The following VCL variants were observed in gnomAD, a reference collection of about 807,000 sequenced individuals.
VCL encodes epididymis luminal protein 114.
VCL carries 47 observed loss-of-function variants against 125.7 expected under a neutral mutation model. The ratio of observed to expected loss-of-function variants is 0.37; its 90% CI spans 0.30 to 0.48. The LOEUF (loss-of-function observed/expected upper bound fraction) is 0.48, where lower values mean the gene tolerates loss of function less well. Among genes scored for constraint, VCL ranks in the 20% least tolerant of loss-of-function variants. VCL has a pLI of 0.99. For missense variants in VCL, 1,069 were observed against 1,455.5 expected, an observed-to-expected ratio of 0.73 and a Z score of 4.32; for synonymous variants, 458 against 514.6, an observed-to-expected ratio of 0.89 and a Z score of 1.49.
At chr10:74,063,089 TC>T in intron 2 of VCL, among the ~76,000 whole-genome samples, 1 of 152,094 alleles carries the variant, frequency 6.6e-6, no homozygotes, top group South Asian at 2.1e-4. Flanking sequence ...AGACAGGGTC[TC>T]CCTGAGTTGC....
chr10:74,062,790 G>A (rs750078728), intron 2 of VCL, among the ~76,000 whole-genome samples: 55 of 152,006 alleles, frequency 3.6e-4, no homozygotes, highest in Non-Finnish European at 6.0e-4. Flanking sequence ...TTCCTTGGCC[G>A]GGTGCAGTGG....
intron 10 of VCL, among the ~76,000 whole-genome samples, chr10:74,093,134 T>C (rs1054985120): frequency 6.6e-6 from 1 of 152,086 alleles, no homozygotes; most frequent in African/African-American, 2.4e-5. Flanking sequence ...CCGTTTCTAC[T>C]AAAAATAGAG....
chr10:74,042,109 AT>A (rs899617897), intron 1 of VCL, among the ~76,000 whole-genome samples: 2 of 152,100 alleles, frequency 1.3e-5, no homozygotes, highest in South Asian at 4.1e-4. Context: ...ATACATGTGG[AT>A]TTTTTTTGGT....
At chr10:74,112,553 T>C (rs1840243057) in intron 19 of VCL, among the ~76,000 whole-genome samples, 1 of 152,124 alleles carries the variant, frequency 6.6e-6, no homozygotes, top group Admixed American at 6.5e-5. Flanking sequence ...GAGAGGCAGC[T>C]TTATAGGGCA....
chr10:74,100,853 C>A, intron 13 of VCL, 95 bp from the exon 14 acceptor site: 1 of 1,425,674 alleles, frequency 7.0e-7, no homozygotes, highest in South Asian at 1.2e-5. Context: ...AGTCTTTGAG[C>A]AGTTGCTGCC....
At chr10:74,089,690 G>A (rs1469588325) in intron 9 of VCL, among the ~76,000 whole-genome samples, 1 of 152,176 alleles carries the variant, frequency 6.6e-6, no homozygotes, top group Non-Finnish European at 1.5e-5. Context: ...AGGGGTTAAA[G>A]TTTTCCGATA....
chr10:74,098,176 A>C (rs1253031365), intron 13 of VCL, among the ~76,000 whole-genome samples: 5 of 152,048 alleles, frequency 3.3e-5, no homozygotes, highest in South Asian at 2.1e-4. Context: ...TATATGTTCT[A>C]ATCTTGGGGC....
intron 2 of VCL, among the ~76,000 whole-genome samples, chr10:74,056,577 T>C (rs1841395094): frequency 1.3e-5 from 2 of 152,164 alleles, no homozygotes; most frequent in Non-Finnish European, 2.9e-5. Flanking sequence ...GAACAGCATG[T>C]ATTAATATTA....
chr10:74,007,808 T>A (rs1206278591), intron 1 of VCL, among the ~76,000 whole-genome samples: 1 of 151,668 alleles, frequency 6.6e-6, no homozygotes, highest in Admixed American at 6.6e-5. Flanking sequence ...AATTTTTTTT[T>A]CCTTTTTTTT....
At chr10:74,005,502 C>G (rs1001184001) in intron 1 of VCL, among the ~76,000 whole-genome samples, 1 of 152,126 alleles carries the variant, frequency 6.6e-6, no homozygotes, top group Non-Finnish European at 1.5e-5. Context: ...GTGATCCACC[C>G]GCCTTGGCCT....
At chr10:74,018,289 C>A (rs1591653652) in intron 1 of VCL, among the ~76,000 whole-genome samples, 3 of 149,924 alleles carry the variant, frequency 2.0e-5, no homozygotes, top group Non-Finnish European at 4.4e-5. Context: ...AACTCCTGGG[C>A]TCATGTGATC....
intron 1 of VCL, among the ~76,000 whole-genome samples, chr10:74,028,872 C>A (rs551021018): frequency 2.0e-5 from 3 of 152,260 alleles, no homozygotes; most frequent in African/African-American, 7.2e-5. Flanking sequence ...TGTATGTTTG[C>A]AACTAAAATG....
chr10:74,083,248 T>C (rs1839708215), intron 7 of VCL, 118 bp from the exon 8 acceptor site: 17 of 1,366,864 alleles, frequency 1.2e-5, no homozygotes, highest in Non-Finnish European at 1.6e-5. Flanking sequence ...TGTTGCCTTC[T>C]ATTCACTCGT....
intron 2 of VCL, among the ~76,000 whole-genome samples, chr10:74,064,195 A>T (rs1200120573): frequency 6.6e-6 from 1 of 152,200 alleles, no homozygotes; most frequent in East Asian, 1.9e-4. Flanking sequence ...ATTATAAAGG[A>T]TACAACCCAG....
intron 1 of VCL, among the ~76,000 whole-genome samples, chr10:74,016,019 T>TG (rs1840531059): frequency 6.6e-6 from 1 of 152,026 alleles, no homozygotes; most frequent in African/African-American, 2.4e-5. Context: ...TTGTAAATAA[T>TG]GGGGTCTCCC....
In VCL at chr10:74,082,553, C is replaced by G. The variant is rs756064535; in HGVS notation, c.874+9C>G. The G allele has an allele frequency of 6.2e-7, 1 of 1,613,798 alleles. No individual in the cohort carries two copies. The highest frequency in any genetic ancestry group is 1.1e-5 in the South Asian group (1 of 91,064). On this transcript the variant is annotated intron_variant, in intron 7 of 21. Coordinates refer to ENST00000211998, the MANE Select transcript of VCL (RefSeq NM_014000.3). ...CCCTAGTGCCTCCCCAGGTAACCCT[C>G]TAGTTCTGCTTTTCTGATCAATACA...
chr10:74,086,446 G>T (rs1839774589), intron 8 of VCL, among the ~76,000 whole-genome samples: 1 of 152,224 alleles, frequency 6.6e-6, no homozygotes, highest in Admixed American at 6.5e-5. Context: ...AGTCTCCTCT[G>T]TCATGAGCAT....
rs1424354478 is a variant in VCL, at chr10:74,097,814, G to A, written c.1872+482G>A. On this transcript the variant is annotated intron_variant, in intron 13 of 21. Coordinates refer to ENST00000211998, the MANE Select transcript of VCL (RefSeq NM_014000.3). The surrounding 1 kb of genome is among the most constrained non-coding windows in gnomAD (Gnocchi z 4.1). ...ATTCTTATACTCAGACCCTTCCAATGACTCCCCGCTATCCCAGAGTAAAAC... is the reference window on the plus strand; with the variant it reads ...ATTCTTATACTCAGACCCTTCCAATAACTCCCCGCTATCCCAGAGTAAAAC... Among the ~76,000 whole-genome samples the A allele has an allele frequency of 1.3e-5, 2 of 152,114 alleles. No individual in the cohort carries two copies. The highest frequency in any genetic ancestry group is 2.4e-5 in the African/African-American group (1 of 41,412).
At chr10:74,087,529 T>TGTA (rs1157811316) in intron 8 of VCL, among the ~76,000 whole-genome samples, 1 of 142,944 alleles carries the variant, frequency 7.0e-6, no homozygotes, top group South Asian at 2.2e-4. Flanking sequence ...TTTTTTTTTT[T>TGTA]TTTTGGATTT....
Sources: gnomAD v4.1 joint callset for allele counts (sites outside exome capture counted in the v4.1 genomes callset) on GRCh38, gnomAD v4.1.1 for gene constraint, Gnocchi (gnomAD v3.1) non-coding constraint, MANE v1.5 for transcripts, NCBI Gene and HGNC (gene_info 2026-07-23, HGNC 2026-07-21) for gene names.